Variants in VWA3B observed in about 807,000 individuals in gnomAD.
VWA3B encodes von Willebrand factor A domain-containing protein 3B.
Under a neutral mutation model 158.3 loss-of-function variants are expected in VWA3B, and 138 were observed. The ratio of observed to expected loss-of-function variants is 0.87; its 90% CI spans 0.76 to 1.00. The LOEUF is 1.00. Ranked by LOEUF, VWA3B falls within the 50% of genes least tolerant of loss-of-function variation. The pLI is 0.00. For synonymous variants in VWA3B, 596 were observed against 587.3 expected (o/e 1.01, Z -0.21); for missense variants, 1,555 against 1,565.1 (o/e 0.99, Z 0.11).
intron 7 of VWA3B, among the ~76,000 whole-genome samples, chr2:98,149,314 A>G (rs1297087469): frequency 6.6e-6 from 1 of 152,216 alleles, no homozygotes; most frequent in Non-Finnish European, 1.5e-5. Context: ...AAACAAAGCA[A>G]GGGAAAAATG....
chr2:98,216,116 A>C (rs1163321032), intron 13 of VWA3B, among the ~76,000 whole-genome samples: 1 of 152,234 alleles, frequency 6.6e-6, no homozygotes, highest in Admixed American at 6.5e-5. Context: ...GATCAGTTAC[A>C]TGGACACTAG....
intron 22 of VWA3B, among the ~76,000 whole-genome samples, chr2:98,278,227 C>T (rs116123278): frequency 1.9e-3 from 290 of 152,276 alleles, no homozygotes; most frequent in African/African-American, 6.2e-3. Flanking sequence ...CAGCCCCTCT[C>T]GGGAGAGGGA....
intron 7 of VWA3B, among the ~76,000 whole-genome samples, chr2:98,141,240 G>A (rs1413719528): frequency 3.3e-5 from 5 of 152,158 alleles, no homozygotes; most frequent in African/African-American, 7.2e-5. Context: ...GTGTGTATGC[G>A]TCTGTTTTGC....
At chr2:98,103,935 T>C (rs559451284) in intron 2 of VWA3B, among the ~76,000 whole-genome samples, 1 of 152,354 alleles carries the variant, frequency 6.6e-6, no homozygotes, top group Non-Finnish European at 1.5e-5. Flanking sequence ...TTCTAAGGAC[T>C]TGACAAATTT....
At chr2:98,328,029 C>G in the VWA3B span, among the ~76,000 whole-genome samples, 51 of 152,222 alleles carry the variant, frequency 3.4e-4, no homozygotes, top group Non-Finnish European at 7.2e-4. Flanking sequence ...GATGCCCTGT[C>G]TCTTGCCCTC....
At chr2:98,109,706 T>G (rs945868625) in intron 2 of VWA3B, among the ~76,000 whole-genome samples, 1 of 152,100 alleles carries the variant, frequency 6.6e-6, no homozygotes, top group African/African-American at 2.4e-5. Flanking sequence ...ACAAATTCCT[T>G]TAGTTTCTTT....
Position 98,119,625 on chromosome 2 carries a change from G to C in VWA3B, c.404G>C (p.Gly135Ala). The C allele has an allele frequency of 6.2e-7, 1 of 1,614,110 alleles. No homozygotes were observed. Among genetic ancestry groups the C allele is most frequent in the Non-Finnish European group, 8.5e-7 (1 of 1,180,028 alleles). ...WLTSKSRQIF[G>A]VILEQCVTIV... is the part of the protein sequence containing the mutation. ...ACCAGCAAGAGCCGGCAGATTTTTGGTGTCATCTTGGAACAGTGCGTCACC... is the reference window on the plus strand; with the variant it reads ...ACCAGCAAGAGCCGGCAGATTTTTGCTGTCATCTTGGAACAGTGCGTCACC... Residue 135 changes from glycine (G) to alanine (A), a missense_variant, in exon 4 of 28, where the codon GGT becomes GCT. Coordinates refer to ENST00000477737, the MANE Select transcript of VWA3B (RefSeq NM_144992.5).
intron 1 of VWA3B, among the ~76,000 whole-genome samples, chr2:98,089,750 A>G (rs1165326072): frequency 6.7e-6 from 1 of 149,272 alleles, no homozygotes; most frequent in African/African-American, 2.5e-5. Context: ...CAGGCTACAA[A>G]ACGCTGGAGG....
intron 2 of VWA3B, among the ~76,000 whole-genome samples, chr2:98,102,028 C>T (rs1035490124): frequency 1.3e-5 from 2 of 152,138 alleles, no homozygotes; most frequent in Non-Finnish European, 2.9e-5. Context: ...CGGCCTTCCG[C>T]AGTGTTTGTG....
rs1160380228 is a variant in VWA3B at position 98,101,221 on chromosome 2, T to C, written c.196+7933T>C. The stretch of plus-strand genomic sequence containing the variant: ...TTTTTCCTAAATGCATTGGCCAGAA[T>C]GTTGGTTCTTAACTCCCAGTAGTGC... On this transcript the variant is annotated intron_variant, in intron 2 of 27. Transcript: ENST00000477737. Among the ~76,000 whole-genome samples, 5 of 152,166 alleles carry C rather than the reference T, an allele frequency of 3.3e-5. No homozygotes were observed. In the East Asian group the frequency reaches 9.6e-4, roughly 29 times the overall value.
At chr2:98,309,005 C>T (rs923977391) in intron 26 of VWA3B, among the ~76,000 whole-genome samples, 14 of 151,834 alleles carry the variant, frequency 9.2e-5, no homozygotes, top group African/African-American at 3.4e-4. Flanking sequence ...AACCTCGCCT[C>T]TACTAAAAAT....
intron 7 of VWA3B, among the ~76,000 whole-genome samples, chr2:98,158,790 C>T (rs1678322900): frequency 6.6e-6 from 1 of 151,988 alleles, no homozygotes; most frequent in Non-Finnish European, 1.5e-5. Flanking sequence ...TCCTCTGATA[C>T]AGAGGACAGG....
At position 98,268,193 on chromosome 2, in the gene VWA3B, G is replaced by C. The variant is rs200899007; in HGVS notation, c.2844-2489G>C. 1.7e-4 allele frequency among the ~76,000 whole-genome samples: 26 copies of C among 151,450 alleles called. No homozygotes were observed. In the East Asian group the frequency reaches 4.7e-3, roughly 27 times the overall value. ...GAATCCTCCCTAACTCATTTTATGAGGCCAGCATCATTCTGATACCAAAGC... is the reference window on the plus strand; with the variant it reads ...GAATCCTCCCTAACTCATTTTATGACGCCAGCATCATTCTGATACCAAAGC... On this transcript the variant is annotated intron_variant, in intron 21 of 27. Transcript: ENST00000477737.
intron 8 of VWA3B, among the ~76,000 whole-genome samples, chr2:98,178,374 A>G (rs973624979): frequency 6.6e-6 from 1 of 152,158 alleles, no homozygotes; most frequent in Non-Finnish European, 1.5e-5. Context: ...AATTCTTTCA[A>G]TGGTGTTCTA....
intron 2 of VWA3B, among the ~76,000 whole-genome samples, chr2:98,100,881 G>T (rs1395311472): frequency 7.9e-5 from 12 of 152,054 alleles, no homozygotes; most frequent in Admixed American, 7.9e-4. Context: ...TCTGTCACCT[G>T]GTTTTCTTAG....
At chr2:98,128,123 A>C (rs866433674) in intron 5 of VWA3B, 116 bp from the exon 6 acceptor site, 1 of 1,279,164 alleles carries the variant, frequency 7.8e-7, no homozygotes, top group Non-Finnish European at 1.1e-6. Context: ...CAGGGCTGCT[A>C]TTCTTTCTGC....
At position 98,181,184 on chromosome 2, in the gene VWA3B, C is replaced by G. The variant is rs558379576; in HGVS notation, c.1283C>G (p.Pro428Arg). Residue 428 changes from proline to arginine, a missense_variant, in exon 9 of 28, where the codon CCG (proline) becomes CGG (arginine). Physicochemically the swap from Pro to Arg is moderately radical, Grantham distance 103. Coordinates refer to ENST00000477737, the MANE Select transcript of VWA3B (RefSeq NM_144992.5). ...ADGVVDIKAK[P>R]ENESVQTSAE... ...GGGGTTGTGGATATAAAAGCCAAAC[C>G]GGAGAATGAGTCCGTGCAGACCAGT... 1.9e-6 allele frequency: 3 copies of G among 1,614,150 alleles called. No individual in the cohort carries two copies. Among genetic ancestry groups the G allele is most frequent in the South Asian group, 1.1e-5 (1 of 91,076 alleles).
At chr2:98,132,809 A>G (rs1675979957) in intron 6 of VWA3B, among the ~76,000 whole-genome samples, 1 of 152,254 alleles carries the variant, frequency 6.6e-6, no homozygotes, top group African/African-American at 2.4e-5. Flanking sequence ...GAAGGGCACC[A>G]GAATGAGGCT....
At chr2:98,214,537 T>C (rs866763369) in intron 13 of VWA3B, among the ~76,000 whole-genome samples, 5 of 152,236 alleles carry the variant, frequency 3.3e-5, no homozygotes, top group Non-Finnish European at 7.3e-5. Context: ...ACTAGTTTTT[T>C]TGTATCTCCT....
Sources: allele counts gnomAD v4.1 joint callset (sites outside exome capture counted in the v4.1 genomes callset), GRCh38; gene constraint gnomAD v4.1.1; transcripts MANE v1.5; gene names NCBI Gene and HGNC (gene_info 2026-07-23, HGNC 2026-07-21).